The following UNC5D variants were observed in gnomAD, a reference collection of about 807,000 sequenced individuals.
UNC5D encodes unc-5 netrin receptor D, also known as netrin receptor UNC5D.
Under a neutral mutation model 105.4 loss-of-function variants are expected in UNC5D, and 39 were observed. The observed-to-expected ratio is 0.37, with a 90% CI of 0.29 to 0.48. The LOEUF (loss-of-function observed/expected upper bound fraction) is 0.48, where lower values mean the gene tolerates loss of function less well. Among genes scored for constraint, UNC5D ranks in the 20% least tolerant of loss-of-function variants. The probability of loss-of-function intolerance (pLI) is 0.98; values close to 1 mark genes in which losing one functional copy is unlikely to be tolerated. For missense variants in UNC5D, 991 were observed against 1,202.4 expected, an observed-to-expected ratio of 0.82 and a Z score of 2.60; for synonymous variants, 452 against 450.4, an observed-to-expected ratio of 1.00 and a Z score of -0.04.
rs535392684 is a variant in UNC5D at position 35,605,206 on chromosome 8, G to A, written c.570+9549G>A. ...ACCTTTGTTCTTTGATGATGGTGAT[G>A]TACAGATGGGTTTTTGGTGTGGATG... On this transcript the variant is annotated intron_variant, in intron 4 of 16. Coordinates refer to ENST00000404895, the MANE Select transcript of UNC5D (RefSeq NM_080872.4). Among the ~76,000 whole-genome samples the A allele has an allele frequency of 8.3e-4, 127 of 152,270 alleles. 1 individual carries two copies. Among genetic ancestry groups the A allele is most frequent in the African/African-American group, 2.9e-3 (120 of 41,564 alleles).
At chr8:35,665,117 G>A (rs1477453066) in intron 4 of UNC5D, among the ~76,000 whole-genome samples, 1 of 152,182 alleles carries the variant, frequency 6.6e-6, no homozygotes, top group Non-Finnish European at 1.5e-5. Flanking sequence ...TTACAGATGT[G>A]AGCCACTGTG....
chr8:35,425,999 C>T (rs1806226096), intron 1 of UNC5D, among the ~76,000 whole-genome samples: 1 of 152,170 alleles, frequency 6.6e-6, no homozygotes, highest in African/African-American at 2.4e-5. Flanking sequence ...CCATGTAACG[C>T]CATGAACGAC....
chr8:35,408,931 G>A (rs907857609), intron 1 of UNC5D, among the ~76,000 whole-genome samples: 3 of 151,864 alleles, frequency 2.0e-5, no homozygotes, highest in Non-Finnish European at 2.9e-5. Flanking sequence ...AATCTCCCTC[G>A]TGATTTGGAA....
chr8:35,739,370 G>A (rs1456289658), intron 11 of UNC5D, among the ~76,000 whole-genome samples: 8 of 152,072 alleles, frequency 5.3e-5, no homozygotes, highest in Non-Finnish European at 1.0e-4. Flanking sequence ...AAATCACATT[G>A]TCATTTTAAG....
chr8:35,483,993 GA>G (rs1345415497), intron 1 of UNC5D, among the ~76,000 whole-genome samples: 4 of 152,166 alleles, frequency 2.6e-5, no homozygotes, highest in Admixed American at 2.6e-4. Context: ...AGGGGCTTCT[GA>G]ACTGGCAGAT....
intron 8 of UNC5D, among the ~76,000 whole-genome samples, chr8:35,710,934 CTTTT>C (rs775014566): frequency 1.7e-5 from 2 of 114,374 alleles, no homozygotes; most frequent in African/African-American, 4.0e-5. Flanking sequence ...CAGCATTATT[CTTTT>C]TTTTTTTTTT....
chr8:35,431,580 T>C (rs2128975545), intron 1 of UNC5D, among the ~76,000 whole-genome samples: 1 of 152,218 alleles, frequency 6.6e-6, no homozygotes, highest in South Asian at 2.1e-4. Context: ...GAGGAAAGTA[T>C]AAAAACTCTG....
intron 1 of UNC5D, among the ~76,000 whole-genome samples, chr8:35,359,903 A>G (rs1002200388): frequency 2.6e-5 from 4 of 152,234 alleles, no homozygotes; most frequent in African/African-American, 7.2e-5. Flanking sequence ...ACTTTAATGC[A>G]GTGAGCCAAA....
intron 4 of UNC5D, among the ~76,000 whole-genome samples, chr8:35,600,774 C>A (rs1208213560): frequency 1.3e-5 from 2 of 152,116 alleles, no homozygotes; most frequent in East Asian, 3.9e-4. Context: ...ATGGTGGTTT[C>A]TTTTGCTGTG....
chr8:35,628,552 A>G (rs999287314), intron 4 of UNC5D, among the ~76,000 whole-genome samples: 4 of 152,242 alleles, frequency 2.6e-5, no homozygotes, highest in African/African-American at 2.4e-5. Context: ...TACTGTTTTT[A>G]CTCTTCTTCA....
chr8:35,522,657 TACTATTA>T (rs1426441950), intron 1 of UNC5D, among the ~76,000 whole-genome samples: 1 of 152,214 alleles, frequency 6.6e-6, no homozygotes, highest in African/African-American at 2.4e-5. Flanking sequence ...ACCTCAATTG[TACTATTA>T]ACTACTTCAG....
At chr8:35,676,773 G>A (rs1825254256) in intron 4 of UNC5D, among the ~76,000 whole-genome samples, 1 of 152,162 alleles carries the variant, frequency 6.6e-6, no homozygotes, top group Admixed American at 6.5e-5. Context: ...AAATGATTTA[G>A]TGAAAGGAAA....
chr8:35,403,492 A>G (rs1353341279), intron 1 of UNC5D, among the ~76,000 whole-genome samples: 10 of 152,212 alleles, frequency 6.6e-5, no homozygotes, highest in African/African-American at 1.2e-4. Context: ...GCAAATATAC[A>G]TTGTGTGTTC....
chr8:35,553,129 G>A (rs916279031), intron 2 of UNC5D, among the ~76,000 whole-genome samples: 1 of 152,096 alleles, frequency 6.6e-6, no homozygotes, highest in Non-Finnish European at 1.5e-5. Flanking sequence ...AGCCATTTCT[G>A]TTACCACTGC....
intron 1 of UNC5D, among the ~76,000 whole-genome samples, chr8:35,347,975 T>A (rs564502746): frequency 1.5e-4 from 23 of 152,126 alleles, no homozygotes; most frequent in African/African-American, 4.3e-4. Flanking sequence ...CAGTTTTATT[T>A]CATATTTCTT....
chr8:35,600,866 A>T (rs370664495), intron 4 of UNC5D, among the ~76,000 whole-genome samples: 1 of 151,894 alleles, frequency 6.6e-6, no homozygotes, highest in Non-Finnish European at 1.5e-5. Context: ...AGACATGAAG[A>T]CCTTGCCCAT....
intron 1 of UNC5D, among the ~76,000 whole-genome samples, chr8:35,276,452 C>A (rs1018401185): frequency 6.6e-6 from 1 of 152,190 alleles, no homozygotes; most frequent in African/African-American, 2.4e-5. Flanking sequence ...CACTTTCCAA[C>A]ATAGGCTGAG....
intron 4 of UNC5D, among the ~76,000 whole-genome samples, chr8:35,652,021 AAAAT>A (rs1331417591): frequency 6.6e-6 from 1 of 152,192 alleles, no homozygotes; most frequent in Non-Finnish European, 1.5e-5. Context: ...TACACACTAA[AAAAT>A]AAGCCAAATC....
chr8:35,392,259 G>A (rs954141250), intron 1 of UNC5D, among the ~76,000 whole-genome samples: 2 of 152,140 alleles, frequency 1.3e-5, no homozygotes, highest in Non-Finnish European at 2.9e-5. Flanking sequence ...AGGCTGGAAT[G>A]CAGTGGCACC....
Sources: gnomAD v4.1 joint callset for allele counts (sites outside exome capture counted in the v4.1 genomes callset) on GRCh38, gnomAD v4.1.1 for gene constraint, MANE v1.5 for transcripts, NCBI Gene and HGNC (gene_info 2026-07-23, HGNC 2026-07-21) for gene names.